Variants in PDE4D observed in about 807,000 individuals in gnomAD.
PDE4D encodes 3',5'-cyclic-AMP phosphodiesterase 4D.
Under a neutral mutation model 87.4 loss-of-function variants are expected in PDE4D, and 24 were observed. That is an observed-to-expected ratio of 0.27 (90% CI 0.20 to 0.39). The LOEUF (loss-of-function observed/expected upper bound fraction) is 0.39, where lower values mean the gene tolerates loss of function less well. Ranked by LOEUF, PDE4D falls within the 10% of genes least tolerant of loss-of-function variation. The probability of loss-of-function intolerance (pLI) is 1.00; values close to 1 mark genes in which losing one functional copy is unlikely to be tolerated. For missense variants in PDE4D, 714 were observed against 1,041.0 expected, an observed-to-expected ratio of 0.69 and a Z score of 4.32; for synonymous variants, 384 against 383.2, an observed-to-expected ratio of 1.00 and a Z score of -0.02.
Position 58,975,709 on chromosome 5 carries a change from A to G in PDE4D, c.1961T>C (p.Met654Thr). 1.2e-6 allele frequency: 2 copies of G among 1,613,044 alleles called. No homozygotes were observed. Among genetic ancestry groups the G allele is most frequent in the Non-Finnish European group, 1.7e-6 (2 of 1,179,308 alleles). The change falls in exon 14 of 15, where the codon ATG becomes ACG. Residue 654 changes from methionine (M) to threonine (T), a missense_variant. This residue lies in a region of PDE4D where 97 missense variants were observed against 176.9 expected (regional missense o/e 0.55). Transcript: ENST00000340635. The surrounding 1 kb of genome is among the most constrained non-coding windows in gnomAD (Gnocchi z 4.2). Reference protein sequence around the residue: ...RQGDRERERGMEISPMCDKHN... With the variant: ...RQGDRERERGTEISPMCDKHN... ...CTTGTCACACATGGGGCTTATCTCC[A>G]TGCCACGTTCCCTCTCTCGGTCTCC...
chr5:60,082,907 CCTT>C (rs1289661197), intron 2 of PDE4D, among the ~76,000 whole-genome samples: 1 of 152,160 alleles, frequency 6.6e-6, no homozygotes, highest in African/African-American at 2.4e-5. Context: ...TTGACTGACA[CCTT>C]CTGATTTCTC....
chr5:60,025,878 T>C (rs1384723767), intron 2 of PDE4D, among the ~76,000 whole-genome samples: 1 of 152,184 alleles, frequency 6.6e-6, no homozygotes, highest in Non-Finnish European at 1.5e-5. Context: ...TGAGACCCTG[T>C]CTCAGAAACA....
intron 11 of PDE4D, among the ~76,000 whole-genome samples, chr5:58,986,995 A>T (rs1323887247): frequency 6.6e-6 from 1 of 152,072 alleles, no homozygotes; most frequent in East Asian, 1.9e-4. Context: ...CAAAAATTTT[A>T]TGTAAAAATA....
chr5:59,391,785 C>T (rs1432928250), intron 1 of PDE4D, among the ~76,000 whole-genome samples: 1 of 151,976 alleles, frequency 6.6e-6, no homozygotes, highest in African/African-American at 2.4e-5. Flanking sequence ...TGTTTGCTCA[C>T]ATGCTACCTT....
At chr5:60,210,398 G>T (rs1743058622) in intron 1 of PDE4D, among the ~76,000 whole-genome samples, 1 of 151,262 alleles carries the variant, frequency 6.6e-6, no homozygotes. Flanking sequence ...AATAAAGAAA[G>T]CAGCCTCATT....
intron 2 of PDE4D, among the ~76,000 whole-genome samples, chr5:60,167,298 C>G (rs1215860701): frequency 8.8e-6 from 1 of 113,196 alleles, no homozygotes; most frequent in African/African-American, 3.5e-5. Flanking sequence ...GAGACGGAGT[C>G]TCGCTGTCGC....
At chr5:59,402,954 C>T (rs765810041) in intron 1 of PDE4D, among the ~76,000 whole-genome samples, 69 of 151,952 alleles carry the variant, frequency 4.5e-4, no homozygotes, top group Admixed American at 1.3e-4. Context: ...TGCAAAGTAA[C>T]GTTTACTGAT....
intron 1 of PDE4D, among the ~76,000 whole-genome samples, chr5:59,662,189 T>A (rs1228095212): frequency 6.6e-6 from 1 of 152,180 alleles, no homozygotes; most frequent in Non-Finnish European, 1.5e-5. Context: ...TCTACTTTCT[T>A]CTAATGGATG....
chr5:59,783,903 C>CA (rs1764877221), intron 1 of PDE4D, among the ~76,000 whole-genome samples: 1 of 151,906 alleles, frequency 6.6e-6, no homozygotes, highest in Admixed American at 6.6e-5. Context: ...CCTATCTCTA[C>CA]AAAAAATTAG....
Position 59,721,449 on chromosome 5 carries a change from C to T in PDE4D, c.455+171719G>A, listed in dbSNP as rs115131363. ...TTTAAAAGCTAACATTTAATGAGTG[C>T]TTATGTGCTAGGGACTACTGGAAGT... On this transcript the variant is annotated intron_variant, in intron 1 of 14. Coordinates refer to ENST00000340635, the MANE Select transcript of PDE4D (RefSeq NM_001104631.2). 3.5e-3 allele frequency among the ~76,000 whole-genome samples: 533 copies of T among 152,232 alleles called. 4 individuals carry two copies. Among genetic ancestry groups the T allele is most frequent in the African/African-American group, 0.012 (515 of 41,540 alleles).
chr5:60,517,193 C>T (rs1345945476), intron 1 of PDE4D, among the ~76,000 whole-genome samples: 1 of 152,228 alleles, frequency 6.6e-6, no homozygotes, highest in Non-Finnish European at 1.5e-5. Flanking sequence ...GTTGCCTCGG[C>T]CCCCTCCAGA....
intron 3 of PDE4D, among the ~76,000 whole-genome samples, chr5:59,912,480 AG>A (rs1321346844): frequency 2.0e-5 from 3 of 152,184 alleles, no homozygotes; most frequent in East Asian, 1.9e-4. Flanking sequence ...TTGTATTGAC[AG>A]GTTTATCAAA....
intron 1 of PDE4D, among the ~76,000 whole-genome samples, chr5:59,453,042 C>T (rs1799401640): frequency 1.3e-5 from 2 of 151,678 alleles, no homozygotes; most frequent in Non-Finnish European, 2.9e-5. Context: ...CATGTGCTCA[C>T]TTCATGTCTC....
intron 1 of PDE4D, among the ~76,000 whole-genome samples, chr5:59,729,610 T>C (rs895676253): frequency 6.6e-6 from 1 of 151,212 alleles, no homozygotes; most frequent in African/African-American, 2.5e-5. Context: ...GAACCACTAA[T>C]ACAGTGACTT....
At chr5:60,016,394 G>A (rs992021322) in intron 2 of PDE4D, among the ~76,000 whole-genome samples, 1 of 152,240 alleles carries the variant, frequency 6.6e-6, no homozygotes, top group East Asian at 1.9e-4. Context: ...TGATCAGAGT[G>A]GGGGTTGTGA....
At chr5:59,123,038 T>G (rs1016449408) in intron 5 of PDE4D, among the ~76,000 whole-genome samples, 11 of 152,140 alleles carry the variant, frequency 7.2e-5, no homozygotes, top group African/African-American at 1.2e-4. Flanking sequence ...TTTGTTTTTT[T>G]TTTTCTTTGG....
At chr5:59,818,489 C>T (rs549343785) in intron 1 of PDE4D, among the ~76,000 whole-genome samples, 3 of 152,156 alleles carry the variant, frequency 2.0e-5, no homozygotes, top group Non-Finnish European at 4.4e-5. Context: ...AAGCCACAGG[C>T]AGAACATTAT....
intron 1 of PDE4D, among the ~76,000 whole-genome samples, chr5:59,566,534 ATGTG>A (rs34584672): frequency 0.25 from 35,282 of 140,222 alleles, 4,409 homozygotes; most frequent in Admixed American, 0.28. Flanking sequence ...TCACAGTTTC[ATGTG>A]TGTGTGTGTG....
At chr5:59,499,786 C>T (rs1025906458) in intron 1 of PDE4D, among the ~76,000 whole-genome samples, 5 of 151,630 alleles carry the variant, frequency 3.3e-5, no homozygotes, top group African/African-American at 1.2e-4. Context: ...AATAAAAAAC[C>T]TAATGTCCAA....
Sources: allele counts gnomAD v4.1 joint callset (sites outside exome capture counted in the v4.1 genomes callset), GRCh38; gene constraint gnomAD v4.1.1; regional missense constraint gnomAD v4.1.1; non-coding constraint Gnocchi (gnomAD v3.1); transcripts MANE v1.5; gene names NCBI Gene and HGNC (gene_info 2026-07-23, HGNC 2026-07-21).